The following LDLRAD4 variants were observed in gnomAD, a reference collection of about 807,000 sequenced individuals.
LDLRAD4 encodes low-density lipoprotein receptor class A domain-containing protein 4.
In LDLRAD4, 5 loss-of-function variants were observed where a neutral mutation model predicts 17.0. That is an observed-to-expected ratio of 0.29 (90% confidence interval 0.15 to 0.62). The LOEUF is 0.62. Ranked by LOEUF, LDLRAD4 falls within the 20% of genes least tolerant of loss-of-function variation. LDLRAD4 has a pLI of 0.84. For synonymous variants in LDLRAD4, 168 were observed against 171.8 expected, an observed-to-expected ratio of 0.98 and a Z score of 0.17; for missense variants, 340 against 424.7, an observed-to-expected ratio of 0.80 and a Z score of 1.75.
chr18:13,564,637 C>G (rs975096550), intron 3 of LDLRAD4, among the ~76,000 whole-genome samples: 3 of 145,334 alleles, frequency 2.1e-5, no homozygotes, highest in Non-Finnish European at 4.5e-5. Context: ...TTTGTGGGGT[C>G]TGAGTCGTGG....
At chr18:13,406,660 C>T (rs1233221845) in intron 2 of LDLRAD4, among the ~76,000 whole-genome samples, 1 of 152,126 alleles carries the variant, frequency 6.6e-6, no homozygotes, top group South Asian at 2.1e-4. Flanking sequence ...TGGGCAGGCT[C>T]CTGGGACCTG....
chr18:13,385,070 C>T (rs186206321), intron 1 of LDLRAD4, among the ~76,000 whole-genome samples: 3 of 152,294 alleles, frequency 2.0e-5, no homozygotes, highest in South Asian at 2.1e-4. Flanking sequence ...TACTGTTTTC[C>T]GAAATGGCTG....
intron 3 of LDLRAD4, among the ~76,000 whole-genome samples, chr18:13,545,386 C>T (rs2148000887): frequency 6.6e-6 from 1 of 152,286 alleles, no homozygotes; most frequent in South Asian, 2.1e-4. Context: ...TTTGGCAACA[C>T]CAAAATGTAT....
chr18:13,561,745 G>A (rs145462846), intron 3 of LDLRAD4: 1 of 152,158 alleles, frequency 6.6e-6, no homozygotes, highest in East Asian at 1.9e-4. Context: ...GGGATATGGA[G>A]CATTAAAATA....
At chr18:13,218,620 G>A (rs980651246), upstream of LDLRAD4, 2 of 152,210 alleles carry the variant, frequency 1.3e-5, no homozygotes, top group African/African-American at 4.8e-5. Context: ...CAGCCCCTCA[G>A]TCCCGCATCC....
intron 1 of LDLRAD4, among the ~76,000 whole-genome samples, chr18:13,264,517 C>T (rs2044104553): frequency 6.6e-6 from 1 of 152,270 alleles, no homozygotes; most frequent in Non-Finnish European, 1.5e-5. Flanking sequence ...GTTGACTTCT[C>T]TGTGTAGATA....
At chr18:13,277,846 A>G (rs1045192824), upstream of LDLRAD4, among the ~76,000 whole-genome samples, 2 of 152,190 alleles carry the variant, frequency 1.3e-5, no homozygotes, top group African/African-American at 4.8e-5. Flanking sequence ...GTGTCCTTTA[A>G]CAGATGAGGA....
chr18:13,602,131 G>A (rs1189290349), intron 3 of LDLRAD4, among the ~76,000 whole-genome samples: 1 of 152,278 alleles, frequency 6.6e-6, no homozygotes. Flanking sequence ...ACATAGAAAT[G>A]GGAACAATAG....
chr18:13,409,092 A>G (rs1299423442), intron 2 of LDLRAD4, among the ~76,000 whole-genome samples: 1 of 152,208 alleles, frequency 6.6e-6, no homozygotes, highest in East Asian at 1.9e-4. Context: ...AGGCCTGCCC[A>G]TGAAGAGCTG....
chr18:13,377,247 C>T (rs923643068), intron 1 of LDLRAD4, among the ~76,000 whole-genome samples: 6 of 152,354 alleles, frequency 3.9e-5, no homozygotes, highest in Admixed American at 1.3e-4. Context: ...GTCCTTCAGA[C>T]ATCGGCTGAA....
chr18:13,323,990 G>T (rs554018951), intron 1 of LDLRAD4, among the ~76,000 whole-genome samples: 2 of 151,800 alleles, frequency 1.3e-5, no homozygotes, highest in African/African-American at 4.8e-5. Context: ...GCTTGAACCT[G>T]GGAGGCAGAG....
At chr18:13,539,633 C>A (rs2094248371) in intron 3 of LDLRAD4, among the ~76,000 whole-genome samples, 1 of 151,600 alleles carries the variant, frequency 6.6e-6, no homozygotes, top group Non-Finnish European at 1.5e-5. Flanking sequence ...CTTATTTGCC[C>A]AAATGGGAGA....
chr18:13,260,229 G>A lies in LDLRAD4; in HGVS notation c.-466-17876G>A, dbSNP rs2043739915. Among the ~76,000 whole-genome samples, 3 of 152,314 alleles carry A rather than the reference G, an allele frequency of 2.0e-5. No individual in the cohort carries two copies. The South Asian group carries it at 6.2e-4, about 32-fold the overall frequency. On this transcript the variant is annotated intron_variant, in intron 1 of 5. Transcript: ENST00000399848. ...CCCAGGGGCAGCTGAGTGCCCACTTGCCAAGGTGTGAGCAATGCGCCCTGT... is the reference window on the plus strand; with the variant it reads ...CCCAGGGGCAGCTGAGTGCCCACTTACCAAGGTGTGAGCAATGCGCCCTGT...
upstream of LDLRAD4, chr18:13,217,738 C>G (rs1288645117): frequency 6.6e-6 from 1 of 151,254 alleles, no homozygotes; most frequent in Non-Finnish European, 1.5e-5. The surrounding 1 kb of genome is among the most constrained non-coding windows in gnomAD (Gnocchi z 4.9). Context: ...TCTCTCCCCG[C>G]GCTGAGGCTG....
intron 4 of LDLRAD4, 130 bp from the exon 6 acceptor site, chr18:13,643,229 C>T (rs954227115): frequency 8.8e-6 from 5 of 568,190 alleles, no homozygotes; most frequent in African/African-American, 4.0e-5. Context: ...CCATGGCGCC[C>T]GGCCTCGCTC....
chr18:13,305,724 A>G (rs1424307658), intron 1 of LDLRAD4, among the ~76,000 whole-genome samples: 1 of 152,254 alleles, frequency 6.6e-6, no homozygotes, highest in Non-Finnish European at 1.5e-5. Flanking sequence ...AAATGAAACC[A>G]GCATAAGAAC....
chr18:13,578,206 G>A (rs2094802301), intron 3 of LDLRAD4, among the ~76,000 whole-genome samples: 1 of 152,226 alleles, frequency 6.6e-6, no homozygotes, highest in African/African-American at 2.4e-5. Context: ...GTGGGTCTCA[G>A]CTAAAAGCAC....
chr18:13,449,415 A>C (rs56135445), intron 3 of LDLRAD4, among the ~76,000 whole-genome samples: 23,013 of 152,290 alleles, frequency 0.15, 2,149 homozygotes, highest in Non-Finnish European at 0.2. Context: ...TGAGGCCTGG[A>C]AGGGGAGCCT....
chr18:13,621,130 C>T lies in LDLRAD4; in HGVS notation c.195C>T (p.Phe65=), dbSNP rs777452281. 18 of 1,614,182 alleles carry T rather than the reference C, an allele frequency of 1.1e-5. No homozygotes were observed. Among genetic ancestry groups the T allele is most frequent in the South Asian group, 2.2e-5 (2 of 91,070 alleles). The change falls in exon 4 of 6, where the codon TTC becomes TTT. Residue 65 remains phenylalanine, a synonymous_variant. Transcript: ENST00000359446. The surrounding 1 kb of genome is among the most constrained non-coding windows in gnomAD (Gnocchi z 5.5). ...CTTCCATGGCAGCGGAGCTGGAGTT[C>T]GCCCAAATCATCATCATCGTCGTGG...
Sources: gnomAD v4.1 joint callset for allele counts (sites outside exome capture counted in the v4.1 genomes callset) on GRCh38, gnomAD v4.1.1 for gene constraint, Gnocchi (gnomAD v3.1) non-coding constraint, MANE v1.5 for transcripts, NCBI Gene and HGNC (gene_info 2026-07-23, HGNC 2026-07-21) for gene names.